Variants in ATP13A4 observed in about 807,000 individuals in gnomAD.
The protein encoded by ATP13A4 is ATPase 13A4, also known as probable cation-transporting ATPase 13A4.
Under a neutral mutation model 142.5 loss-of-function variants are expected in ATP13A4, and 114 were observed. That is an observed-to-expected ratio of 0.80 (90% CI 0.69 to 0.93). The LOEUF is 0.93. ATP13A4 is among the 40% of genes least tolerant of loss of function. ATP13A4 has a pLI of 0.00. For missense variants in ATP13A4, 1,392 were observed against 1,454.0 expected, an observed-to-expected ratio of 0.96 and a Z score of 0.69; for synonymous variants, 488 against 514.8, an observed-to-expected ratio of 0.95 and a Z score of 0.70.
intron 9 of ATP13A4, 125 bp from the exon 10 acceptor site, chr3:193,467,611 T>C: frequency 2.2e-6 from 2 of 929,930 alleles, no homozygotes; most frequent in Non-Finnish European, 3.5e-6. Flanking sequence ...GAGACAACCC[T>C]AGGTATTGGG....
At chr3:193,541,032 G>T (rs1006739794) in intron 1 of ATP13A4, among the ~76,000 whole-genome samples, 1 of 151,390 alleles carries the variant, frequency 6.6e-6, no homozygotes, top group Non-Finnish European at 1.5e-5. Flanking sequence ...GGCAAATCGC[G>T]AGGTCAGGAG....
chr3:193,464,821 T>A lies in ATP13A4; in HGVS notation c.1461+119A>T. ...CCCAGATCATGCATCTAACCAGGGA[T>A]AAAATGAAGACAGGCACCCACATTC... On this transcript the variant is annotated intron_variant, in intron 12 of 29. Transcript: ENST00000342695. The A allele has an allele frequency of 6.4e-6, 7 of 1,090,692 alleles. No individual in the cohort carries two copies. The Admixed American group carries it at 7.0e-5, about 11-fold the overall frequency. The allele number at this position is 1,090,692 out of a possible 1,614,324, so 67.6% of individuals were successfully genotyped here.
chr3:193,409,106 G>A (rs1029824511), intron 28 of ATP13A4, among the ~76,000 whole-genome samples: 2 of 152,064 alleles, frequency 1.3e-5, no homozygotes, highest in Non-Finnish European at 1.5e-5. Context: ...GTCACTATAT[G>A]GCTTTTTAAA....
At position 193,474,735 on chromosome 3, in the gene ATP13A4, AG is replaced by A. The variant is rs1718859809; in HGVS notation, c.809-3743del. Among the ~76,000 whole-genome samples, 7 of 42,754 alleles carry A rather than the reference AG, an allele frequency of 1.6e-4. No individual in the cohort carries two copies. The South Asian group carries it at 5.8e-3, about 35-fold the overall frequency. The allele number at this position is 42,754 out of a possible 152,430, so 28.0% of individuals were successfully genotyped here. A position where few individuals can be genotyped will look rare whatever the true frequency, so the allele number is the denominator to read the frequency against. On this transcript the variant is annotated intron_variant, in intron 8 of 29. Transcript: ENST00000342695. ...GAAAGAGAGAGAGAAAGAAAGAGAA[AG>A]AAAGAAAGAAAGGAAAAAGAAAGAA... is the stretch of plus-strand genomic sequence containing the variant.
At position 193,399,653 on chromosome 3, in the gene ATP13A4, C is replaced by T. The variant is rs1017048901; in HGVS notation, c.*2999G>A. On this transcript the variant is annotated 3_prime_UTR_variant, in exon 30 of 30. Transcript: ENST00000342695. ...CACGAGGTCAGGAGATTGAAACCAC[C>T]CTGGCTAACATGATGAAACCCCATC... Among the ~76,000 whole-genome samples the T allele has an allele frequency of 6.6e-6, 1 of 151,874 alleles. No homozygotes were observed. The highest frequency in any genetic ancestry group is 2.4e-5 in the African/African-American group (1 of 41,344).
At chr3:193,427,292 G>A (rs1473458447) in intron 25 of ATP13A4, among the ~76,000 whole-genome samples, 3 of 152,104 alleles carry the variant, frequency 2.0e-5, no homozygotes, top group African/African-American at 4.8e-5. Flanking sequence ...ACTGCTCAAC[G>A]AAATAAAAGA....
intron 18 of ATP13A4, among the ~76,000 whole-genome samples, chr3:193,447,777 T>C (rs955541953): frequency 1.3e-5 from 2 of 152,218 alleles, no homozygotes; most frequent in African/African-American, 4.8e-5. Flanking sequence ...GATTTTATGA[T>C]TGATGGGTTT....
rs757875367 is a variant in ATP13A4, at chr3:193,465,027, C to A, written c.1374G>T (p.Gln458His). ...AGATGCCTCTCTTCTTCAGCCTCCT[C>A]TGGGCATAGATAATGCCTGTGGTCA... is the stretch of plus-strand genomic sequence containing the variant. ...AALTTGIIYA[Q>H]RRLKKRGIFC... Residue 458 changes from glutamine (Q) to histidine (H), a missense_variant, in exon 12 of 30, where the codon CAG becomes CAT. By Grantham distance (24) the Gln-to-His change is conservative. Transcript: ENST00000342695. The A allele has an allele frequency of 6.2e-7, 1 of 1,614,132 alleles. No individual in the cohort carries two copies. The highest frequency in any genetic ancestry group is 2.2e-5 in the East Asian group (1 of 44,886).
At chr3:193,483,803 T>A in intron 8 of ATP13A4, 133 bp downstream of exon 8, 2 of 847,996 alleles carry the variant, frequency 2.4e-6, no homozygotes, top group Non-Finnish European at 3.8e-6. Flanking sequence ...CTTAAGTTCC[T>A]CATCCCTTTG....
At position 193,402,749 on chromosome 3, in the gene ATP13A4, G is replaced by A. The variant is rs768702155; in HGVS notation, c.3494C>T (p.Pro1165Leu). The A allele has an allele frequency of 1.9e-6, 3 of 1,610,860 alleles. No individual in the cohort carries two copies. The highest frequency in any genetic ancestry group is 2.5e-6 in the Non-Finnish European group (3 of 1,177,078). Reference sequence around the variant, plus strand: ...AGAGTGGGAGGTTTGGTTTAGCGGGGGCCAACTAGGGTCATTTGCCAAGTC... The same window carrying A: ...AGAGTGGGAGGTTTGGTTTAGCGGGAGCCAACTAGGGTCATTTGCCAAGTC... ...QRDLANDPSWPPLNQTSHSDM... is the reference protein window; with the variant it reads ...QRDLANDPSWLPLNQTSHSDM... The change falls in exon 30 of 30, where the codon CCC (proline) becomes CTC (leucine). Residue 1165 changes from proline (P) to leucine (L), a missense_variant. Physicochemically the swap from Pro to Leu is moderately conservative, Grantham distance 98 (BLOSUM62 -3). Coordinates refer to ENST00000342695, the MANE Select transcript of ATP13A4 (RefSeq NM_032279.4).
At chr3:193,560,835 G>C (rs899838785) in intron 2 of ATP13A4, among the ~76,000 whole-genome samples, 1 of 152,202 alleles carries the variant, frequency 6.6e-6, no homozygotes, top group South Asian at 2.1e-4. Context: ...CAGCTCAGGG[G>C]AGCAGTTGGC....
chr3:193,520,607 C>T (rs1721663175), intron 1 of ATP13A4, among the ~76,000 whole-genome samples: 1 of 152,162 alleles, frequency 6.6e-6, no homozygotes, highest in Non-Finnish European at 1.5e-5. Flanking sequence ...ACTCTCCAGT[C>T]TCCTGCTCTA....
chr3:193,580,132 C>G (rs1290256853), intron 2 of ATP13A4, among the ~76,000 whole-genome samples: 2 of 152,018 alleles, frequency 1.3e-5, no homozygotes, highest in African/African-American at 2.4e-5. Context: ...TATGTGAATC[C>G]AATCTATTTA....
At chr3:193,478,300 A>C (rs1319226790) in intron 8 of ATP13A4, among the ~76,000 whole-genome samples, 2 of 151,064 alleles carry the variant, frequency 1.3e-5, no homozygotes, top group African/African-American at 4.9e-5. Flanking sequence ...AAATTGAAAC[A>C]AAAAAAAAGC....
rs779969557 is a variant in ATP13A4, at chr3:193,483,967, A to G, written c.777T>C (p.Asn259=). 1 of 1,609,328 alleles carries G rather than the reference A, an allele frequency of 6.2e-7. No homozygotes were observed. The highest frequency in any genetic ancestry group is 8.5e-7 in the Non-Finnish European group (1 of 1,175,780). Residue 259 remains asparagine, a synonymous_variant, in exon 8 of 30, where the codon AAT becomes AAC. Coordinates refer to ENST00000342695, the MANE Select transcript of ATP13A4 (RefSeq NM_032279.4). ...TCCCACATACAGAGACCGTAATGCT[A>G]TTATGTGACTCGACGAGATGGTGGA... ...VKLHHLVESH[N]SITVSVCGRK...
At chr3:193,508,260 A>G (rs771989017) in intron 2 of ATP13A4, among the ~76,000 whole-genome samples, 9 of 152,228 alleles carry the variant, frequency 5.9e-5, no homozygotes, top group Admixed American at 2.6e-4. Flanking sequence ...GTATTTTGCT[A>G]TAGAAGCCTA....
intron 1 of ATP13A4, among the ~76,000 whole-genome samples, chr3:193,515,605 A>G (rs1464172367): frequency 2.6e-5 from 4 of 152,218 alleles, no homozygotes; most frequent in Middle Eastern, 3.2e-3. Context: ...TCTACTGAGC[A>G]CCAATGCGTC....
chr3:193,542,462 GA>G (rs368015871), intron 1 of ATP13A4, among the ~76,000 whole-genome samples: 2 of 151,226 alleles, frequency 1.3e-5, no homozygotes, highest in Non-Finnish European at 2.9e-5. Flanking sequence ...CATAGAATTA[GA>G]AAAAAACTAC....
At chr3:193,517,572 C>T (rs1721484191) in intron 1 of ATP13A4, among the ~76,000 whole-genome samples, 1 of 152,212 alleles carries the variant, frequency 6.6e-6, no homozygotes, top group African/African-American at 2.4e-5. Context: ...GCTCCGCCTC[C>T]CGGGTTCACG....
Sources: gnomAD v4.1 joint callset for allele counts (sites outside exome capture counted in the v4.1 genomes callset) on GRCh38, gnomAD v4.1.1 for gene constraint, MANE v1.5 for transcripts, NCBI Gene and HGNC (gene_info 2026-07-23, HGNC 2026-07-21) for gene names.